The following NIT2 variants were observed in gnomAD, a reference collection of about 807,000 sequenced individuals.
The protein encoded by NIT2 is nitrilase family member 2, also known as omega-amidase NIT2.
Under a neutral mutation model 42.7 loss-of-function variants are expected in NIT2, and 46 were observed. The ratio of observed to expected loss-of-function variants is 1.08; its 90% CI spans 0.85 to 1.38. The LOEUF (loss-of-function observed/expected upper bound fraction) is 1.38, where lower values mean the gene tolerates loss of function less well. Among genes scored for constraint, NIT2 ranks in the 40% most tolerant of loss-of-function variants. NIT2 has a pLI of 0.00. For synonymous variants in NIT2, 123 were observed against 121.9 expected (o/e 1.01, Z -0.06); for missense variants, 309 against 342.5 (o/e 0.90, Z 0.77).
chr3:100,352,308 T>C (rs1706282639), intron 7 of NIT2, 96 bp from the exon 8 acceptor site: 2 of 910,966 alleles, frequency 2.2e-6, no homozygotes, highest in Non-Finnish European at 3.5e-6. Context: ...TAGCCTGAAC[T>C]ATCCTATTTT....
At position 100,355,391 on chromosome 3, in the gene NIT2, A is replaced by G. The variant is rs772663158; in HGVS notation, c.*123A>G. On this transcript the variant is annotated 3_prime_UTR_variant, in exon 10 of 10. Coordinates refer to ENST00000394140, the MANE Select transcript of NIT2 (RefSeq NM_020202.5). ...CGGCCTTGTCCTTCCTAGGTTCTCT[A>G]TTGAGATGAGAAAGCCTCATTATGC... 13 of 672,308 alleles carry G rather than the reference A, an allele frequency of 1.9e-5. No individual in the cohort carries two copies. Among genetic ancestry groups the G allele is most frequent in the African/African-American group, 3.7e-5 (2 of 54,140 alleles). 41.6% of individuals were successfully genotyped at this position (672,308 alleles called of 1,614,324 possible).
At chr3:100,341,567 A>T (rs1234698393) in intron 4 of NIT2, among the ~76,000 whole-genome samples, 1 of 151,788 alleles carries the variant, frequency 6.6e-6, no homozygotes, top group Non-Finnish European at 1.5e-5. Flanking sequence ...ACTTGGTTTC[A>T]CCGTGTTAGC....
chr3:100,334,867 G>C (rs760059125), intron 1 of NIT2, 69 bp downstream of exon 1: 2 of 1,257,924 alleles, frequency 1.6e-6, no homozygotes, highest in Non-Finnish European at 2.0e-6. Context: ...CGGCGCCGGC[G>C]GTGGCTCGGC....
At position 100,340,714 on chromosome 3, in the gene NIT2, A is replaced by G. The variant is rs73862459; in HGVS notation, c.248-359A>G. The stretch of plus-strand genomic sequence containing the variant: ...AATGGGAAATTTCTCATTTTGCCCT[A>G]ATGTTACAGATTAAGTGTTACTCAA... On this transcript the variant is annotated intron_variant, in intron 3 of 9. Transcript: ENST00000394140. Among the ~76,000 whole-genome samples, 1,418 of 152,300 alleles carry G rather than the reference A, an allele frequency of 9.3e-3. 27 individuals carry two copies. Among genetic ancestry groups the G allele is most frequent in the African/African-American group, 0.033 (1,359 of 41,554 alleles).
At position 100,361,235 on chromosome 3, in the gene NIT2, A is replaced by G. The variant is rs556931994; in HGVS notation, c.*5967A>G. 61 of 152,378 alleles carry G rather than the reference A, an allele frequency of 4.0e-4. No individual in the cohort carries two copies. The highest frequency in any genetic ancestry group is 1.4e-3 in the African/African-American group (59 of 41,588). The allele number at this position is 152,378 out of a possible 1,614,324, so 9.4% of individuals were successfully genotyped here. On this transcript the variant is annotated 3_prime_UTR_variant, in exon 10 of 10. Coordinates refer to ENST00000394140, the MANE Select transcript of NIT2 (RefSeq NM_020202.5). Reference sequence around the variant, plus strand: ...AATTTAGGCCATGGATCATCTCTGCAGAGAATCCTACCATGCTGCATTCTT... The same window carrying G: ...AATTTAGGCCATGGATCATCTCTGCGGAGAATCCTACCATGCTGCATTCTT...
chr3:100,344,134 TTC>T lies in NIT2; in HGVS notation c.337-1450_337-1449del, dbSNP rs553094428. Reference sequence around the variant, plus strand: ...CTCTTTGCTTTCTCCATTTCAGGATTTCCCCCCTTGGTTTCCAGCTCTGGTTC... The same window carrying T: ...CTCTTTGCTTTCTCCATTTCAGGATTCCCCCTTGGTTTCCAGCTCTGGTTC... On this transcript the variant is annotated intron_variant, in intron 4 of 9. Transcript: ENST00000394140. Among the ~76,000 whole-genome samples the T allele has an allele frequency of 1.6e-3, 251 of 152,350 alleles. 2 individuals are homozygous for T. The highest frequency in any genetic ancestry group is 2.5e-3 in the Non-Finnish European group (172 of 68,026).
chr3:100,347,675 G>A (rs1036677655), intron 6 of NIT2, among the ~76,000 whole-genome samples: 8 of 152,072 alleles, frequency 5.3e-5, no homozygotes, highest in Admixed American at 3.3e-4. Flanking sequence ...AGTTGATACC[G>A]GTGGGCTAGG....
chr3:100,334,822 C>G, intron 1 of NIT2, 24 bp downstream of exon 1: 1 of 1,278,260 alleles, frequency 7.8e-7, no homozygotes, highest in Non-Finnish European at 9.9e-7. Context: ...CCGCGCGCTG[C>G]AGCTCGAGTT....
At position 100,358,298 on chromosome 3, in the gene NIT2, A is replaced by G. The variant is rs1706342738; in HGVS notation, c.*3030A>G. ...AAAGTGATATCCGAATAAAATGAACACTAGATTCCCACTTGGAGTGGAAGA... is the reference window on the plus strand; with the variant it reads ...AAAGTGATATCCGAATAAAATGAACGCTAGATTCCCACTTGGAGTGGAAGA... On this transcript the variant is annotated 3_prime_UTR_variant, in exon 10 of 10. Transcript: ENST00000394140. 6.6e-6 allele frequency: 1 copy of G among 152,234 alleles called. No individual in the cohort carries two copies. Among genetic ancestry groups the G allele is most frequent in the Admixed American group, 6.5e-5 (1 of 15,290 alleles). 9.4% of individuals were successfully genotyped at this position (152,234 alleles called of 1,614,324 possible). A position where few individuals can be genotyped will look rare whatever the true frequency, so the allele number is the denominator to read the frequency against.
At chr3:100,339,737 A>T (rs1414982115) in intron 2 of NIT2, 78 bp from the exon 3 acceptor site, 170 of 1,389,446 alleles carry the variant, frequency 1.2e-4, no homozygotes, top group Non-Finnish European at 1.6e-4. Context: ...TAGAAGCAGC[A>T]GCTATGGCCT....
At chr3:100,348,980 T>A in intron 7 of NIT2, 99 bp downstream of exon 7, 1 of 975,976 alleles carries the variant, frequency 1.0e-6, no homozygotes, top group Non-Finnish European at 1.6e-6. Flanking sequence ...GTGGATTCTG[T>A]CCCTGACTCA....
chr3:100,353,808 C>T (rs937610164), intron 8 of NIT2, among the ~76,000 whole-genome samples: 10 of 144,018 alleles, frequency 6.9e-5, no homozygotes, highest in African/African-American at 2.6e-4. Flanking sequence ...GAGTTTCACT[C>T]TGTCGCCCAG....
chr3:100,352,540 T>A, intron 8 of NIT2, 38 bp downstream of exon 8: 7 of 1,521,562 alleles, frequency 4.6e-6, no homozygotes, highest in Non-Finnish European at 6.4e-6. Flanking sequence ...CAGTCGGAGC[T>A]TGAGCTTGAG....
rs771613637 is a variant in NIT2, at chr3:100,345,678, C to T, written c.430C>T (p.Pro144Ser). Reference protein sequence around the residue: ...PGDSFSTFDTPYCRVGLGICY... With the variant: ...PGDSFSTFDTSYCRVGLGICY... ...TGATAGTTTCTCCACATTTGATACT[C>T]GTATGTACCAGATAAGTTTGCCTCT... The change falls in exon 5 of 10, where the codon CCT becomes TCT. Residue 144 changes from proline to serine, a missense_variant and splice_region_variant. Pro to Ser is a moderately conservative substitution (Grantham distance 74). Transcript: ENST00000394140. 13 of 1,592,114 alleles carry T rather than the reference C, an allele frequency of 8.2e-6. No homozygotes were observed. The highest frequency in any genetic ancestry group is 6.7e-5 in the East Asian group (3 of 44,758).
At chr3:100,352,093 T>C (rs1706280876) in intron 7 of NIT2, among the ~76,000 whole-genome samples, 1 of 152,184 alleles carries the variant, frequency 6.6e-6, no homozygotes, top group African/African-American at 2.4e-5. Flanking sequence ...TGGCAATCAT[T>C]AAAAAGTCAG....
chr3:100,341,473 A>G (rs1706151770), intron 4 of NIT2, among the ~76,000 whole-genome samples: 1 of 151,870 alleles, frequency 6.6e-6, no homozygotes, highest in Non-Finnish European at 1.5e-5. Flanking sequence ...GGTTCACACC[A>G]TTCTCCTGCC....
At chr3:100,338,880 T>C (rs1209348593) in intron 1 of NIT2, among the ~76,000 whole-genome samples, 2 of 152,160 alleles carry the variant, frequency 1.3e-5, no homozygotes, top group African/African-American at 4.8e-5. Flanking sequence ...GGGGTTGTCC[T>C]ATGCATTGTA....
intron 7 of NIT2, chr3:100,349,617 TG>T (rs1414310092): frequency 2.0e-5 from 3 of 152,316 alleles, no homozygotes; most frequent in Non-Finnish European, 4.4e-5. Flanking sequence ...GGGAGAGATT[TG>T]TGGTCTGTAC....
intron 8 of NIT2, among the ~76,000 whole-genome samples, chr3:100,353,770 C>CT (rs1412218421): frequency 2.1e-4 from 16 of 75,616 alleles, no homozygotes; most frequent in Admixed American, 2.4e-4. Context: ...GAGATAGTTT[C>CT]TTTTTTCTTT....
Sources: allele counts gnomAD v4.1 joint callset (sites outside exome capture counted in the v4.1 genomes callset), GRCh38; gene constraint gnomAD v4.1.1; transcripts MANE v1.5; gene names NCBI Gene and HGNC (gene_info 2026-07-23, HGNC 2026-07-21).